The following RGS7 variants were observed in gnomAD, a reference collection of about 807,000 sequenced individuals.
RGS7 encodes regulator of G-protein signaling 7.
In RGS7, 27 loss-of-function variants were observed where a neutral mutation model predicts 81.1. That is an observed-to-expected ratio of 0.33 (90% CI 0.25 to 0.46). The LOEUF (loss-of-function observed/expected upper bound fraction) is 0.46, where lower values mean the gene tolerates loss of function less well. Ranked by LOEUF, RGS7 falls within the 20% of genes least tolerant of loss-of-function variation. RGS7 has a pLI of 1.00. For missense variants in RGS7, 396 were observed against 607.4 expected (o/e 0.65, Z 3.66); for synonymous variants, 208 against 207.7 (o/e 1.00, Z -0.01).
intron 3 of RGS7, among the ~76,000 whole-genome samples, chr1:241,041,687 A>C (rs1280049440): frequency 6.6e-6 from 1 of 152,148 alleles, no homozygotes; most frequent in African/African-American, 2.4e-5. Flanking sequence ...AAGCAGACTT[A>C]GGTCGCATTT....
At chr1:241,303,617 T>C (rs1350853712) in intron 2 of RGS7, among the ~76,000 whole-genome samples, 1 of 152,218 alleles carries the variant, frequency 6.6e-6, no homozygotes, top group Non-Finnish European at 1.5e-5. Context: ...AGTTTGTATG[T>C]CTGAATAGTG....
chr1:241,306,881 G>A (rs151199684), intron 2 of RGS7, among the ~76,000 whole-genome samples: 1,956 of 152,224 alleles, frequency 0.013, 26 homozygotes, highest in Admixed American at 0.022. Flanking sequence ...GAACAGAAGC[G>A]GTTAACTGGC....
intron 9 of RGS7, among the ~76,000 whole-genome samples, chr1:240,831,963 G>C (rs1238740002): frequency 6.6e-6 from 1 of 152,114 alleles, no homozygotes; most frequent in African/African-American, 2.4e-5. Context: ...TTTATGCACA[G>C]TCTGTTGGTT....
intron 9 of RGS7, among the ~76,000 whole-genome samples, chr1:240,843,953 G>C (rs1385177792): frequency 6.6e-6 from 1 of 152,060 alleles, no homozygotes; most frequent in Non-Finnish European, 1.5e-5. Context: ...AGTCCATGCT[G>C]GTCCCGTCAG....
intron 2 of RGS7, among the ~76,000 whole-genome samples, chr1:241,306,160 CCACA>C (rs899596243): frequency 6.1e-5 from 9 of 148,572 alleles, no homozygotes; most frequent in Admixed American, 5.4e-4. Context: ...TCACACACGT[CCACA>C]CACATTCACA....
intron 3 of RGS7, among the ~76,000 whole-genome samples, chr1:240,997,371 C>T (rs1252974796): frequency 6.6e-6 from 1 of 152,162 alleles, no homozygotes; most frequent in Non-Finnish European, 1.5e-5. Context: ...CCGGTGTAAT[C>T]ACTTTACCAA....
At chr1:241,002,046 T>C (rs1051866253) in intron 3 of RGS7, among the ~76,000 whole-genome samples, 5 of 152,146 alleles carry the variant, frequency 3.3e-5, no homozygotes, top group Non-Finnish European at 5.9e-5. Flanking sequence ...TTGGGACTTG[T>C]TGGTAGTGGA....
At chr1:241,323,335 A>C (rs2081313043) in intron 2 of RGS7, among the ~76,000 whole-genome samples, 1 of 152,264 alleles carries the variant, frequency 6.6e-6, no homozygotes, top group Non-Finnish European at 1.5e-5. Context: ...TTTGCAAGAT[A>C]CAGTCTACTT....
At chr1:240,949,718 C>A (rs1221341787) in intron 4 of RGS7, among the ~76,000 whole-genome samples, 1 of 151,848 alleles carries the variant, frequency 6.6e-6, no homozygotes, top group East Asian at 1.9e-4. Flanking sequence ...CGTGGTGGTG[C>A]ATGCCTGTAG....
At chr1:240,991,313 C>T (rs1686421619) in intron 3 of RGS7, among the ~76,000 whole-genome samples, 1 of 152,100 alleles carries the variant, frequency 6.6e-6, no homozygotes, top group Non-Finnish European at 1.5e-5. Context: ...AAGCTTTAAA[C>T]CTAGGCAGCA....
At chr1:240,977,091 TACACACACAC>T (rs60732630) in intron 4 of RGS7, among the ~76,000 whole-genome samples, 6,186 of 133,744 alleles carry the variant, frequency 0.046, 164 homozygotes, top group South Asian at 0.12. Context: ...TATCCATCTG[TACACACACAC>T]ACACACACAC....
intron 2 of RGS7, among the ~76,000 whole-genome samples, chr1:241,221,072 AAAGG>A (rs1330807084): frequency 4.5e-4 from 62 of 137,612 alleles, no homozygotes; most frequent in Admixed American, 1.3e-3. Flanking sequence ...AGAGAGAGAG[AAAGG>A]AAGGAAGGAA....
At chr1:240,920,345 TTGTGGTGG>T (rs1216736096) in intron 6 of RGS7, 6 of 1,532,590 alleles carry the variant, frequency 3.9e-6, no homozygotes, top group Non-Finnish European at 5.3e-6. Context: ...GTGGCAGCTG[TTGTGGTGG>T]TGGATATGGT....
At chr1:241,108,302 CA>C (rs34848063) in intron 2 of RGS7, among the ~76,000 whole-genome samples, 13,238 of 70,668 alleles carry the variant, frequency 0.19, 339 homozygotes, top group African/African-American at 0.25. Flanking sequence ...GACTCCGTCT[CA>C]AAAAAAAAAA....
intron 2 of RGS7, among the ~76,000 whole-genome samples, chr1:241,308,432 T>G (rs1426334001): frequency 6.6e-6 from 1 of 152,216 alleles, no homozygotes; most frequent in Non-Finnish European, 1.5e-5. Context: ...GGATATGGAT[T>G]AAGCACCTGG....
intron 3 of RGS7, among the ~76,000 whole-genome samples, chr1:241,017,923 T>C (rs1255617926): frequency 1.3e-5 from 2 of 151,998 alleles, no homozygotes; most frequent in Non-Finnish European, 2.9e-5. Flanking sequence ...CCAACATCTG[T>C]TTCATATGTT....
intron 2 of RGS7, among the ~76,000 whole-genome samples, chr1:241,180,422 A>C (rs2103307654): frequency 6.6e-6 from 1 of 152,222 alleles, no homozygotes; most frequent in Non-Finnish European, 1.5e-5. Context: ...AAAACACAGA[A>C]AGTGAAGGAT....
chr1:241,292,072 A>C (rs1267597243), intron 2 of RGS7, among the ~76,000 whole-genome samples: 1 of 151,994 alleles, frequency 6.6e-6, no homozygotes, highest in African/African-American at 2.4e-5. Flanking sequence ...CACTGTTTCC[A>C]CCTCCATGTC....
intron 6 of RGS7, chr1:240,919,704 T>G: frequency 1.7e-6 from 1 of 597,296 alleles, no homozygotes; most frequent in Middle Eastern, 4.9e-4. Flanking sequence ...AAGCTCTTCA[T>G]TGGAGGGCTG....
Sources: gnomAD v4.1 joint callset for allele counts (sites outside exome capture counted in the v4.1 genomes callset) on GRCh38, gnomAD v4.1.1 for gene constraint, MANE v1.5 for transcripts, NCBI Gene and HGNC (gene_info 2026-07-23, HGNC 2026-07-21) for gene names.